Variants in CD276 observed in about 807,000 individuals in gnomAD.
The protein encoded by CD276 is CD276 molecule.
Under a neutral mutation model 50.0 loss-of-function variants are expected in CD276, and 34 were observed. The ratio of observed to expected loss-of-function variants is 0.68; its 90% CI spans 0.52 to 0.91. The LOEUF (loss-of-function observed/expected upper bound fraction) is 0.91. CD276 is among the 40% of genes least tolerant of loss of function. The probability of loss-of-function intolerance (pLI) is 0.00; values close to 1 mark genes in which losing one functional copy is unlikely to be tolerated. For synonymous variants in CD276, 275 were observed against 313.0 expected (o/e 0.88, Z 1.28); for missense variants, 634 against 717.5 (o/e 0.88, Z 1.33).
intron 1 of CD276, among the ~76,000 whole-genome samples, chr15:73,698,026 CA>C (rs2141554010): frequency 6.6e-6 from 1 of 152,258 alleles, no homozygotes; most frequent in East Asian, 1.9e-4. Flanking sequence ...GTTTAGGCAG[CA>C]GCTGTGGGAC....
chr15:73,710,538 T>C (rs1900853557), intron 8 of CD276, among the ~76,000 whole-genome samples: 1 of 152,110 alleles, frequency 6.6e-6, no homozygotes, highest in Non-Finnish European at 1.5e-5. Flanking sequence ...ATGGTTCCAG[T>C]TAATGCCAGT....
At position 73,694,399 on chromosome 15, in the gene CD276, T is replaced by C. The variant is rs1163295476; in HGVS notation, c.-54-5187T>C. Among the ~76,000 whole-genome samples the C allele has an allele frequency of 2.0e-5, 3 of 152,288 alleles. No homozygotes were observed. The East Asian group carries it at 5.8e-4, about 29-fold the overall frequency. ...GGTTTCCTTTTGTGGCTCTGAGCAG[T>C]GGCAATGCTCATCGGGTACGGAGAC... is the stretch of plus-strand genomic sequence containing the variant. On this transcript the variant is annotated intron_variant, in intron 1 of 9. Transcript: ENST00000318443.
At position 73,708,464 on chromosome 15, in the gene CD276, G is replaced by A. The variant is rs775466357; in HGVS notation, c.1495G>A (p.Glu499Lys). The A allele has an allele frequency of 1.2e-6, 2 of 1,613,540 alleles. No individual in the cohort carries two copies. Among genetic ancestry groups the A allele is most frequent in the African/African-American group, 1.3e-5 (1 of 75,040 alleles). Residue 499 changes from glutamate (E) to lysine (K), a missense_variant, in exon 7 of 10, where the codon GAG becomes AAG. Transcript: ENST00000318443. The part of the protein sequence containing the change: ...WRKIKQSCEE[E>K]NAGAEDQDGE... ...AAAGATCAAACAGAGCTGTGAGGAG[G>A]AGAATGCAGGTGAGTGTGTGTGTAT...
chr15:73,704,542 A>C lies in CD276; in HGVS notation c.1369+70A>C. The C allele has an allele frequency of 2.0e-6, 3 of 1,524,662 alleles. No individual in the cohort carries two copies. Among genetic ancestry groups the C allele is most frequent in the Non-Finnish European group, 2.6e-6 (3 of 1,132,484 alleles). 94.4% of individuals were successfully genotyped at this position (1,524,662 alleles called of 1,614,324 possible). On this transcript the variant is annotated intron_variant, in intron 6 of 9. Transcript: ENST00000318443. This position sits in a 1 kb window ranked among gnomAD's most constrained non-coding sequence, Gnocchi z 4.1. Reference sequence around the variant, plus strand: ...CCTCTTTACTGGACCCTAACGTGGAATTTCCATAGGTTTGGGTGGCCAGAA... The same window carrying C: ...CCTCTTTACTGGACCCTAACGTGGACTTTCCATAGGTTTGGGTGGCCAGAA...
At chr15:73,703,495 A>G (rs1900500880) in intron 4 of CD276, among the ~76,000 whole-genome samples, 164 bp from the exon 5 acceptor site, 1 of 152,204 alleles carries the variant, frequency 6.6e-6, no homozygotes, top group South Asian at 2.1e-4. Context: ...GGGAGACTCC[A>G]TATCTGAGAG....
At chr15:73,700,628 C>A (rs1238264201) in intron 2 of CD276, among the ~76,000 whole-genome samples, 3 of 152,232 alleles carry the variant, frequency 2.0e-5, no homozygotes, top group African/African-American at 7.2e-5. Flanking sequence ...AGATCCAAGG[C>A]TAGCTTAAGA....
intron 1 of CD276, among the ~76,000 whole-genome samples, chr15:73,685,497 C>T (rs1480454410): frequency 2.7e-4 from 28 of 103,860 alleles, no homozygotes; most frequent in Admixed American, 1.9e-3. Flanking sequence ...GTGTGTGTGG[C>T]GGGTGGGGGG....
At chr15:73,699,472 G>A in intron 1 of CD276, 114 bp from the exon 2 acceptor site, 3 of 1,372,688 alleles carry the variant, frequency 2.2e-6, no homozygotes, top group Non-Finnish European at 3.0e-6. Flanking sequence ...ATGGGAATGA[G>A]GACCTCCCAG....
At chr15:73,702,621 C>T (rs754287763) in intron 3 of CD276, 28 bp downstream of exon 3, 3 of 1,588,250 alleles carry the variant, frequency 1.9e-6, no homozygotes, top group Non-Finnish European at 2.6e-6. Context: ...GACGCCTTCC[C>T]CTTAGTTCAC....
intron 1 of CD276, among the ~76,000 whole-genome samples, chr15:73,688,144 T>C (rs994596675): frequency 3.3e-5 from 5 of 151,870 alleles, no homozygotes; most frequent in African/African-American, 9.7e-5. Flanking sequence ...AGGTGAAAAG[T>C]AGGGATACAG....
In CD276 at chr15:73,709,682, C is replaced by T. The variant is rs1429821695; in HGVS notation, c.1539C>T (p.Ser513=). ...ACCAGGATGGGGAGGGAGAAGGCTC[C>T]AAGACAGGTGAGTCTGAACTTGGAG... ...AEDQDGEGEG[S]KTALQPLKHS... is the part of the protein sequence containing the mutation. Residue 513 remains serine (S), a synonymous_variant, in exon 8 of 10, where the codon TCC becomes TCT. Transcript: ENST00000318443. 6.2e-7 allele frequency: 1 copy of T among 1,612,606 alleles called. No homozygotes were observed.
chr15:73,710,279 G>A (rs1490048367), intron 8 of CD276, among the ~76,000 whole-genome samples: 1 of 152,238 alleles, frequency 6.6e-6, no homozygotes, highest in Non-Finnish European at 1.5e-5. Flanking sequence ...CTTTGGGCAA[G>A]GTGCCTTGCT....
At chr15:73,692,242 T>A (rs1900015677) in intron 1 of CD276, among the ~76,000 whole-genome samples, 1 of 152,224 alleles carries the variant, frequency 6.6e-6, no homozygotes, top group South Asian at 2.1e-4. Context: ...GGCTTGACCC[T>A]TTCATCCAGG....
chr15:73,703,868 C>A lies in CD276; in HGVS notation c.943C>A (p.Pro315Thr), dbSNP rs1267094652. Residue 315 changes from proline to threonine, a missense_variant, in exon 5 of 10, where the codon CCG (proline) becomes ACG (threonine). Coordinates refer to ENST00000318443, the MANE Select transcript of CD276 (RefSeq NM_001024736.2). ...SAYANRTALF[P>T]DLLAQGNASL... Reference sequence around the variant, plus strand: ...CTATGCCAACCGCACGGCCCTCTTCCCGGACCTGCTGGCACAAGGCAATGC... The same window carrying A: ...CTATGCCAACCGCACGGCCCTCTTCACGGACCTGCTGGCACAAGGCAATGC... 1.2e-6 allele frequency: 2 copies of A among 1,613,598 alleles called. No homozygotes were observed. The highest frequency in any genetic ancestry group is 1.7e-6 in the Non-Finnish European group (2 of 1,180,008).
chr15:73,704,407 C>T lies in CD276; in HGVS notation c.1304C>T (p.Thr435Ile), dbSNP rs1221808304. The change falls in exon 6 of 10, where the codon ACC (threonine) becomes ATC (isoleucine). Residue 435 changes from threonine to isoleucine, a missense_variant. Physicochemically the swap from Thr to Ile is moderately conservative, Grantham distance 89. Transcript: ENST00000318443. This position sits in a 1 kb window ranked among gnomAD's most constrained non-coding sequence, Gnocchi z 4.1. ...CGGGTGGTGCTGGGTGCGAATGGCACCTACAGCTGCCTGGTGCGCAACCCC... is the reference window on the plus strand; with the variant it reads ...CGGGTGGTGCTGGGTGCGAATGGCATCTACAGCTGCCTGGTGCGCAACCCC... ...VLRVVLGANG[T>I]YSCLVRNPVL... 1.9e-6 allele frequency: 3 copies of T among 1,614,068 alleles called. No individual in the cohort carries two copies. The highest frequency in any genetic ancestry group is 1.7e-5 in the Admixed American group (1 of 60,016).
intron 1 of CD276, 88 bp from the exon 2 acceptor site, chr15:73,699,498 T>C (rs1596009815): frequency 1.3e-6 from 2 of 1,500,510 alleles, no homozygotes; most frequent in East Asian, 5.0e-5. Context: ...AGTTGCAGCC[T>C]TCCCCACTCT....
At position 73,704,496 on chromosome 15, in the gene CD276, G is replaced by A; in HGVS notation, c.1369+24G>A. 1.2e-6 allele frequency: 2 copies of A among 1,601,052 alleles called. No homozygotes were observed. Among genetic ancestry groups the A allele is most frequent in the Non-Finnish European group, 1.7e-6 (2 of 1,172,568 alleles). On this transcript the variant is annotated intron_variant, in intron 6 of 9. Transcript: ENST00000318443. This position sits in a 1 kb window ranked among gnomAD's most constrained non-coding sequence, Gnocchi z 4.1. Reference sequence around the variant, plus strand: ...AGGTAAGGGCAGATGAACAGCTGGGGAAGGACGGAGCGAGTAACTCCCTCT... The same window carrying A: ...AGGTAAGGGCAGATGAACAGCTGGGAAAGGACGGAGCGAGTAACTCCCTCT...
In CD276 at chr15:73,705,455, T is replaced by C. The variant is rs139972081; in HGVS notation, c.1369+983T>C. Among the ~76,000 whole-genome samples, 773 of 152,062 alleles carry C rather than the reference T, an allele frequency of 5.1e-3. 7 individuals carry two copies. Among genetic ancestry groups the C allele is most frequent in the African/African-American group, 0.018 (738 of 41,474 alleles). On this transcript the variant is annotated intron_variant, in intron 6 of 9. Coordinates refer to ENST00000318443, the MANE Select transcript of CD276 (RefSeq NM_001024736.2). ...CTCGGAGCCAGGGCCCGTCACATCG[T>C]CTGCTTGGAGTTCAGGCTCACTCCT...
rs754336923 is a variant in CD276, at chr15:73,703,958, C to T, written c.1033C>T (p.Arg345Trp). The part of the protein sequence containing the change: ...EGSFTCFVSI[R>W]DFGSAAVSLQ... ...CAGCTTCACCTGCTTCGTGAGCATC[C>T]GGGATTTCGGCAGCGCTGCCGTCAG... The change falls in exon 5 of 10, where the codon CGG becomes TGG. Residue 345 changes from arginine to tryptophan, a missense_variant. By Grantham distance (101) the Arg-to-Trp change is moderately radical. Coordinates refer to ENST00000318443, the MANE Select transcript of CD276 (RefSeq NM_001024736.2). 2.0e-5 allele frequency: 32 copies of T among 1,612,072 alleles called. No individual in the cohort carries two copies. The highest frequency in any genetic ancestry group is 1.1e-4 in the African/African-American group (8 of 74,946).
Sources: gnomAD v4.1 joint callset for allele counts (sites outside exome capture counted in the v4.1 genomes callset) on GRCh38, gnomAD v4.1.1 for gene constraint, Gnocchi (gnomAD v3.1) non-coding constraint, MANE v1.5 for transcripts, NCBI Gene and HGNC (gene_info 2026-07-23, HGNC 2026-07-21) for gene names.